Variants in NCOA2 observed in about 807,000 individuals in gnomAD.
The protein encoded by NCOA2 is class E basic helix-loop-helix protein 75.
NCOA2 carries 21 observed loss-of-function variants against 145.1 expected under a neutral mutation model. The observed-to-expected ratio is 0.14, with a 90% CI of 0.10 to 0.21. NCOA2 has a LOEUF of 0.21. Among genes scored for constraint, NCOA2 ranks in the 10% least tolerant of loss-of-function variants. The pLI is 1.00. For missense variants in NCOA2, 1,472 were observed against 1,837.6 expected (o/e 0.80, Z 3.64); for synonymous variants, 619 against 637.5 (o/e 0.97, Z 0.44).
At chr8:70,319,570 A>ATAAATAAATAAT (rs58173515) in intron 1 of NCOA2, among the ~76,000 whole-genome samples, 1 of 151,902 alleles carries the variant, frequency 6.6e-6, no homozygotes, top group African/African-American at 2.4e-5. Flanking sequence ...AAATAAATAA[A>ATAAATAAATAAT]AGCTCTATTT....
chr8:70,242,010 A>G (rs1822177289), intron 2 of NCOA2, among the ~76,000 whole-genome samples: 1 of 152,154 alleles, frequency 6.6e-6, no homozygotes, highest in Admixed American at 6.6e-5. Context: ...GGAAAAACCA[A>G]TTAATGTAGA....
intron 1 of NCOA2, among the ~76,000 whole-genome samples, chr8:70,306,622 G>A (rs1174495760): frequency 1.3e-5 from 2 of 152,148 alleles, no homozygotes; most frequent in South Asian, 2.1e-4. Flanking sequence ...GCTTATGTCT[G>A]TAATCCCAGC....
At chr8:70,230,033 C>A (rs1820998604) in intron 2 of NCOA2, among the ~76,000 whole-genome samples, 1 of 152,174 alleles carries the variant, frequency 6.6e-6, no homozygotes. Flanking sequence ...TTTGTAGAGT[C>A]TGAAAACCTT....
chr8:70,172,813 A>G (rs1814402033), intron 5 of NCOA2, among the ~76,000 whole-genome samples: 1 of 152,344 alleles, frequency 6.6e-6, no homozygotes, highest in South Asian at 2.1e-4. Context: ...GACTTGAGGT[A>G]TAATAAAACT....
chr8:70,148,521 C>A, intron 11 of NCOA2, 38 bp from the exon 12 acceptor site: 1 of 1,592,058 alleles, frequency 6.3e-7, no homozygotes, highest in South Asian at 1.1e-5. Context: ...CCAGTCTACT[C>A]TAAGAGTAGA....
the NCOA2 span, among the ~76,000 whole-genome samples, chr8:70,450,515 T>G: frequency 6.6e-6 from 1 of 151,796 alleles, no homozygotes; most frequent in South Asian, 2.1e-4. Flanking sequence ...AACTACCCAG[T>G]GTATGATACT....
rs546574382 is a variant in NCOA2, at chr8:70,146,659, A to G, written c.2605+1614T>C. On this transcript the variant is annotated intron_variant, in intron 12 of 22. Transcript: ENST00000452400. Reference sequence around the variant, plus strand: ...CATAAATTCTACACAGTCCTTCATAACCTCCCCTAGGGCTAATGAGCATGG... The same window carrying G: ...CATAAATTCTACACAGTCCTTCATAGCCTCCCCTAGGGCTAATGAGCATGG... Among the ~76,000 whole-genome samples, 3 of 151,636 alleles carry G rather than the reference A, an allele frequency of 2.0e-5. No homozygotes were observed. In the East Asian group the frequency reaches 5.8e-4, roughly 29 times the overall value.
intron 2 of NCOA2, among the ~76,000 whole-genome samples, chr8:70,284,104 C>T (rs1379941668): frequency 1.3e-5 from 2 of 152,174 alleles, no homozygotes; most frequent in Non-Finnish European, 2.9e-5. Context: ...CAGCAAGGTG[C>T]ACTAGAAATG....
intron 1 of NCOA2, among the ~76,000 whole-genome samples, chr8:70,367,802 T>C (rs1810850980): frequency 6.6e-6 from 1 of 152,236 alleles, no homozygotes; most frequent in Non-Finnish European, 1.5e-5. Context: ...AGCCATACCA[T>C]GATTTCAAGA....
chr8:70,213,894 T>C lies in NCOA2; in HGVS notation c.259+9A>G, dbSNP rs1373266146. 1 of 1,568,026 alleles carries C rather than the reference T, an allele frequency of 6.4e-7. No individual in the cohort carries two copies. Among genetic ancestry groups the C allele is most frequent in the East Asian group, 2.3e-5 (1 of 44,008 alleles). On this transcript the variant is annotated intron_variant, in intron 4 of 22. Transcript: ENST00000452400. ...TCAACTCTTCAAAATACTAATTCAG[T>C]CCTCTTACCTTGTTCTTTGATCTGA...
At chr8:70,162,671 G>T in intron 9 of NCOA2, 40 bp downstream of exon 9, 1 of 1,577,556 alleles carries the variant, frequency 6.3e-7, no homozygotes. Flanking sequence ...AGCTCCCACA[G>T]GAAGCAATAA....
chr8:70,307,616 T>G (rs1340975988), intron 1 of NCOA2, among the ~76,000 whole-genome samples: 1 of 152,254 alleles, frequency 6.6e-6, no homozygotes, highest in Non-Finnish European at 1.5e-5. Flanking sequence ...CTTACATTCG[T>G]GTTAAAGATG....
chr8:70,238,153 C>T (rs72663962), intron 2 of NCOA2, among the ~76,000 whole-genome samples: 35 of 151,712 alleles, frequency 2.3e-4, no homozygotes, highest in Admixed American at 5.2e-4. Context: ...TGTGCACACG[C>T]GCGCGCGCGC....
chr8:70,448,069 C>T, the NCOA2 span, among the ~76,000 whole-genome samples: 1 of 152,056 alleles, frequency 6.6e-6, no homozygotes, highest in South Asian at 2.1e-4. Context: ...AGGGAATCTG[C>T]ATAGGCATAG....
intron 2 of NCOA2, among the ~76,000 whole-genome samples, chr8:70,271,358 A>G (rs952558636): frequency 2.6e-5 from 4 of 152,234 alleles, no homozygotes; most frequent in African/African-American, 9.6e-5. Context: ...ATGTAGCTAT[A>G]AAGGGTACCC....
chr8:70,216,522 T>C (rs1181477127), intron 3 of NCOA2, 138 bp downstream of exon 3: 9 of 678,856 alleles, frequency 1.3e-5, no homozygotes, highest in Non-Finnish European at 2.4e-5. Flanking sequence ...AGCAAGTACA[T>C]ATTCAGAGAT....
chr8:70,130,468 C>T (rs770019240), intron 16 of NCOA2, among the ~76,000 whole-genome samples: 21 of 152,252 alleles, frequency 1.4e-4, no homozygotes, highest in Non-Finnish European at 2.9e-4. Context: ...TAAAATAGTA[C>T]TGAGGGCTGA....
chr8:70,338,253 A>G lies in NCOA2; in HGVS notation c.-76-41453T>C, dbSNP rs78658546. On this transcript the variant is annotated intron_variant, in intron 1 of 22. Coordinates refer to ENST00000452400, the MANE Select transcript of NCOA2 (RefSeq NM_006540.4). ...TCAAATAAGCACAATCAGAAATAATAAGGCGATTATCACAACAGACCCCAC... is the reference window on the plus strand; with the variant it reads ...TCAAATAAGCACAATCAGAAATAATGAGGCGATTATCACAACAGACCCCAC... Among the ~76,000 whole-genome samples the G allele has an allele frequency of 7.3e-3, 1,112 of 152,308 alleles. 13 individuals are homozygous for G. The highest frequency in any genetic ancestry group is 0.025 in the African/African-American group (1,040 of 41,568).
intron 14 of NCOA2, among the ~76,000 whole-genome samples, chr8:70,139,644 C>CTTTTTTTTTTTT (rs911504754): frequency 1.1e-5 from 1 of 91,862 alleles, no homozygotes; most frequent in African/African-American, 5.1e-5. Flanking sequence ...CGCTGGCCAT[C>CTTTTTTTTTTTT]TTTTTTTTTT....
Sources: allele counts gnomAD v4.1 joint callset (sites outside exome capture counted in the v4.1 genomes callset), GRCh38; gene constraint gnomAD v4.1.1; transcripts MANE v1.5; gene names NCBI Gene and HGNC (gene_info 2026-07-23, HGNC 2026-07-21).